Variants in KIFAP3 observed in about 807,000 individuals in gnomAD.
KIFAP3 encodes kinesin associated protein 3.
In KIFAP3, 68 loss-of-function variants were observed where a neutral mutation model predicts 106.5. That is an observed-to-expected ratio of 0.64 (90% CI 0.53 to 0.78). KIFAP3 has a LOEUF of 0.78. KIFAP3 is among the 30% of genes least tolerant of loss of function. The pLI is 0.00. For synonymous variants in KIFAP3, 320 were observed against 311.5 expected, an observed-to-expected ratio of 1.03 and a Z score of -0.29; for missense variants, 780 against 941.8, an observed-to-expected ratio of 0.83 and a Z score of 2.25.
At chr1:169,998,015 TAG>T (rs1320325307) in intron 10 of KIFAP3, among the ~76,000 whole-genome samples, 1 of 150,876 alleles carries the variant, frequency 6.6e-6, no homozygotes, top group East Asian at 1.9e-4. Context: ...CTCACTCTCA[TAG>T]AGTTATAAAT....
At chr1:170,042,049 C>T (rs980726469) in intron 3 of KIFAP3, 1 of 167,896 alleles carries the variant, frequency 6.0e-6, no homozygotes, top group East Asian at 1.9e-4. Context: ...GTTCAATGTG[C>T]CTAACGGGTG....
chr1:169,946,832 A>G (rs1487177145), intron 19 of KIFAP3, among the ~76,000 whole-genome samples: 1 of 151,990 alleles, frequency 6.6e-6, no homozygotes, highest in Admixed American at 6.5e-5. Context: ...TAAAAAAGTA[A>G]TTGGGACAGC....
At chr1:170,070,545 AAAAG>A (rs2102174854) in intron 1 of KIFAP3, among the ~76,000 whole-genome samples, 1 of 152,248 alleles carries the variant, frequency 6.6e-6, no homozygotes, top group East Asian at 1.9e-4. Flanking sequence ...TTCATGGAGG[AAAAG>A]AACAGTCAAT....
intron 3 of KIFAP3, chr1:170,041,841 C>T (rs557124886): frequency 1.4e-4 from 205 of 1,436,768 alleles, no homozygotes; most frequent in Non-Finnish European, 1.7e-4. Context: ...CCTTCCCAAT[C>T]TGTAAAAAGG....
At chr1:170,049,491 G>A (rs1439011328) in intron 2 of KIFAP3, among the ~76,000 whole-genome samples, 1 of 152,212 alleles carries the variant, frequency 6.6e-6, no homozygotes, top group Non-Finnish European at 1.5e-5. Context: ...TCTGCTAAGG[G>A]ATAGACTGCC....
intron 1 of KIFAP3, chr1:170,067,370 A>G (rs1438679775): frequency 6.6e-6 from 1 of 152,126 alleles, no homozygotes; most frequent in African/African-American, 2.4e-5. Flanking sequence ...AAAACTTGGC[A>G]AAAAAAACCT....
At chr1:170,023,399 ACTAT>A (rs796254714) in intron 9 of KIFAP3, among the ~76,000 whole-genome samples, 7 of 152,182 alleles carry the variant, frequency 4.6e-5, no homozygotes, top group African/African-American at 1.7e-4. Flanking sequence ...ATACATTCAG[ACTAT>A]CTAAAGGAGA....
chr1:169,955,812 C>A (rs1031346153), intron 18 of KIFAP3, among the ~76,000 whole-genome samples: 1 of 151,982 alleles, frequency 6.6e-6, no homozygotes, highest in Non-Finnish European at 1.5e-5. Context: ...AATATTTAAT[C>A]CAGTTTTTAT....
At chr1:169,962,967 T>C (rs1571568227) in intron 17 of KIFAP3, among the ~76,000 whole-genome samples, 2 of 152,306 alleles carry the variant, frequency 1.3e-5, no homozygotes, top group African/African-American at 4.8e-5. Flanking sequence ...TTTTAATTTT[T>C]ATTTTAGGTT....
chr1:170,012,396 C>A (rs1024437202), intron 10 of KIFAP3, among the ~76,000 whole-genome samples: 1 of 152,090 alleles, frequency 6.6e-6, no homozygotes, highest in Admixed American at 6.6e-5. Context: ...AACAGCTACA[C>A]ACATTATAGC....
intron 19 of KIFAP3, among the ~76,000 whole-genome samples, chr1:169,928,139 GC>G (rs1358702970): frequency 6.7e-6 from 1 of 149,566 alleles, no homozygotes; most frequent in African/African-American, 2.5e-5. Context: ...TTGCTCTGTT[GC>G]CCAGGCTGGA....
intron 1 of KIFAP3, among the ~76,000 whole-genome samples, chr1:170,058,222 GTCC>G (rs913819506): frequency 1.3e-4 from 20 of 152,132 alleles, no homozygotes; most frequent in Non-Finnish European, 2.8e-4. Flanking sequence ...CAAAAATGCA[GTCC>G]TTAACTTTTC....
chr1:170,051,525 A>G (rs1238791619), intron 2 of KIFAP3, among the ~76,000 whole-genome samples: 4 of 152,244 alleles, frequency 2.6e-5, no homozygotes, highest in Non-Finnish European at 5.9e-5. Context: ...CTCTACTCCA[A>G]ATAAACAGAA....
upstream of KIFAP3, among the ~76,000 whole-genome samples, chr1:170,079,026 T>C (rs1283003848): frequency 5.1e-4 from 77 of 152,232 alleles, 2 homozygotes; most frequent in Admixed American, 4.9e-3. Context: ...TATTGCTATA[T>C]AGTTTGCATA....
chr1:169,964,290 A>C (rs1665490019), intron 17 of KIFAP3, among the ~76,000 whole-genome samples: 1 of 151,946 alleles, frequency 6.6e-6, no homozygotes, highest in South Asian at 2.1e-4. Context: ...AACATCTTAC[A>C]AATGAGAAAA....
chr1:169,926,582 GTA>G (rs1030480608), intron 19 of KIFAP3, among the ~76,000 whole-genome samples: 4 of 151,352 alleles, frequency 2.6e-5, no homozygotes, highest in Non-Finnish European at 4.4e-5. Flanking sequence ...GTATATATGT[GTA>G]TATATATATA....
chr1:169,958,872 T>C (rs1289054531), intron 18 of KIFAP3, among the ~76,000 whole-genome samples: 1 of 152,046 alleles, frequency 6.6e-6, no homozygotes, highest in African/African-American at 2.4e-5. Flanking sequence ...AAGTAAAAAA[T>C]ACTGTAACTA....
Position 170,031,872 on chromosome 1 carries a change from T to A in KIFAP3, c.841+14A>T. 1 of 1,542,662 alleles carries A rather than the reference T, an allele frequency of 6.5e-7. No homozygotes were observed. Among genetic ancestry groups the A allele is most frequent in the Non-Finnish European group, 9.0e-7 (1 of 1,117,016 alleles). On this transcript the variant is annotated intron_variant, in intron 8 of 19. Coordinates refer to ENST00000361580, the MANE Select transcript of KIFAP3 (RefSeq NM_014970.4). ...AGTACTTTGTTGCTTTCCTCATTGC[T>A]TAGGAATTCATACCTCGTAATAGCT...
At chr1:169,947,034 C>T (rs1377858155) in intron 19 of KIFAP3, among the ~76,000 whole-genome samples, 2 of 151,884 alleles carry the variant, frequency 1.3e-5, no homozygotes, top group Non-Finnish European at 2.9e-5. Context: ...AAAATGACCA[C>T]TGCATTATCT....
Sources: gnomAD v4.1 joint callset for allele counts (sites outside exome capture counted in the v4.1 genomes callset) on GRCh38, gnomAD v4.1.1 for gene constraint, MANE v1.5 for transcripts, NCBI Gene and HGNC (gene_info 2026-07-23, HGNC 2026-07-21) for gene names.